LRRC1: variants seen among roughly 807,000 people sequenced by gnomAD.
LRRC1 encodes leucine-rich repeat-containing protein 1.
LRRC1 carries 28 observed loss-of-function variants against 69.9 expected under a neutral mutation model. That is an observed-to-expected ratio of 0.40 (90% confidence interval 0.30 to 0.55). The LOEUF (loss-of-function observed/expected upper bound fraction) is 0.55. Among genes scored for constraint, LRRC1 ranks in the 20% least tolerant of loss-of-function variants. The pLI, the probability that LRRC1 is intolerant of heterozygous loss-of-function variation, is 0.47. For synonymous variants in LRRC1, 236 were observed against 240.2 expected, an observed-to-expected ratio of 0.98 and a Z score of 0.16; for missense variants, 498 against 609.0, an observed-to-expected ratio of 0.82 and a Z score of 1.92.
chr6:53,853,477 G>A (rs1009139110), intron 2 of LRRC1, among the ~76,000 whole-genome samples: 1 of 151,976 alleles, frequency 6.6e-6, no homozygotes, highest in Admixed American at 6.6e-5. Context: ...TAGAGACGGG[G>A]TTTCACCATG....
At chr6:53,803,520 A>G (rs544236524) in intron 1 of LRRC1, among the ~76,000 whole-genome samples, 2 of 152,292 alleles carry the variant, frequency 1.3e-5, no homozygotes, top group East Asian at 3.9e-4. Flanking sequence ...GATTTAGTGG[A>G]CAGGAATGGA....
chr6:53,860,326 G>A (rs1766453254), intron 2 of LRRC1, among the ~76,000 whole-genome samples: 2 of 152,126 alleles, frequency 1.3e-5, no homozygotes. Context: ...TACTTTGAAG[G>A]GGATAATACC....
chr6:53,845,198 C>T (rs1276690374), intron 2 of LRRC1, among the ~76,000 whole-genome samples: 5 of 152,114 alleles, frequency 3.3e-5, no homozygotes, highest in African/African-American at 7.2e-5. Context: ...AGCAAGACTC[C>T]GTCTCAAACA....
intron 4 of LRRC1, among the ~76,000 whole-genome samples, chr6:53,887,220 C>T (rs9296722): frequency 0.36 from 54,728 of 151,978 alleles, 10,423 homozygotes; most frequent in East Asian, 0.64. Context: ...GCTCTAAAAC[C>T]TTCCAAGAAA....
At chr6:53,878,848 A>C (rs1340729769) in intron 2 of LRRC1, 145 bp from the exon 3 acceptor site, 2 of 509,896 alleles carry the variant, frequency 3.9e-6, no homozygotes, top group Non-Finnish European at 3.5e-6. Context: ...AAATATAAAT[A>C]TATTAAAATA....
At chr6:53,828,999 A>G (rs1049824119) in intron 1 of LRRC1, among the ~76,000 whole-genome samples, 1 of 152,224 alleles carries the variant, frequency 6.6e-6, no homozygotes, top group Non-Finnish European at 1.5e-5. Flanking sequence ...AACATATATT[A>G]AGCATTTCTC....
chr6:53,823,305 A>G (rs1333759853), intron 1 of LRRC1, among the ~76,000 whole-genome samples: 2 of 152,220 alleles, frequency 1.3e-5, no homozygotes, highest in Non-Finnish European at 2.9e-5. Context: ...CTCCCTTATT[A>G]AAGAACTTAA....
rs148096444 is a variant in LRRC1, at chr6:53,795,274, C to T, written c.18C>T (p.Pro6=). 39 of 1,611,170 alleles carry T rather than the reference C, an allele frequency of 2.4e-5. No homozygotes were observed. In the Admixed American group the frequency reaches 3.3e-4, roughly 14 times the overall value. Residue 6 remains proline (P), a synonymous_variant, in exon 1 of 14, where the codon CCC becomes CCT. Transcript: ENST00000370888. ...GGGCGGCGATGTTCCACTGCATCCC[C>T]CTGTGGCGGTGCAACCGTCATGTGG... MFHCI[P]LWRCNRHVES...
chr6:53,897,773 G>A (rs560926070), intron 7 of LRRC1, among the ~76,000 whole-genome samples: 2 of 152,286 alleles, frequency 1.3e-5, no homozygotes, highest in African/African-American at 4.8e-5. Flanking sequence ...TAAAAGCAAT[G>A]TTAAATGCTT....
intron 1 of LRRC1, among the ~76,000 whole-genome samples, chr6:53,840,331 T>A (rs1198585022): frequency 6.6e-6 from 1 of 152,194 alleles, no homozygotes; most frequent in African/African-American, 2.4e-5. Flanking sequence ...CTTTCAAGGT[T>A]GCTTTTGAGT....
intron 11 of LRRC1, among the ~76,000 whole-genome samples, chr6:53,914,864 A>T (rs1037270741): frequency 1.3e-5 from 2 of 152,172 alleles, no homozygotes; most frequent in Non-Finnish European, 2.9e-5. Flanking sequence ...GCCTGTTTTC[A>T]TATGGGTAAC....
intron 4 of LRRC1, among the ~76,000 whole-genome samples, chr6:53,890,291 C>T (rs778139855): frequency 1.3e-5 from 2 of 152,104 alleles, no homozygotes; most frequent in Non-Finnish European, 2.9e-5. Flanking sequence ...GTCCAGTACC[C>T]GAAACAGTTA....
intron 11 of LRRC1, among the ~76,000 whole-genome samples, chr6:53,917,601 C>T (rs1206550267): frequency 6.6e-6 from 1 of 151,972 alleles, no homozygotes; most frequent in Non-Finnish European, 1.5e-5. Flanking sequence ...TTACAGTGAC[C>T]ACGTTTGAGT....
rs1193078869 is a variant in LRRC1 at position 53,924,075 on chromosome 6, C to A, written c.*1282C>A. 1 of 152,622 alleles carries A rather than the reference C, an allele frequency of 6.6e-6. No individual in the cohort carries two copies. Among genetic ancestry groups the A allele is most frequent in the African/African-American group, 2.4e-5 (1 of 41,452 alleles). The allele number at this position is 152,622 out of a possible 1,614,324, so 9.5% of individuals were successfully genotyped here. On this transcript the variant is annotated 3_prime_UTR_variant, in exon 14 of 14. Coordinates refer to ENST00000370888, the MANE Select transcript of LRRC1 (RefSeq NM_018214.5). ...GTCACTGTGTGGTGTCTAGGAAAAT[C>A]ATATATATTTTTTTCTCCAAGAAAT...
At chr6:53,831,851 T>C (rs1765437029) in intron 1 of LRRC1, among the ~76,000 whole-genome samples, 1 of 152,146 alleles carries the variant, frequency 6.6e-6, no homozygotes, top group African/African-American at 2.4e-5. Flanking sequence ...GGTATCGACG[T>C]ATTTGCTTAA....
At chr6:53,835,486 TACCAAAC>T (rs1190825113) in intron 1 of LRRC1, among the ~76,000 whole-genome samples, 1 of 152,216 alleles carries the variant, frequency 6.6e-6, no homozygotes, top group African/African-American at 2.4e-5. Context: ...TCCACACCTC[TACCAAAC>T]ACACTGACAA....
At position 53,913,856 on chromosome 6, in the gene LRRC1, C is replaced by T. The variant is rs1341239048; in HGVS notation, c.993C>T (p.Ile331=). Residue 331 remains isoleucine, a splice_region_variant and synonymous_variant, in exon 11 of 14, where the codon ATC becomes ATT. Transcript: ENST00000370888. ...ATGTATTTTCTTTCTCACCATAGAT[C>T]GGCGGGTGCTGCAGCCTCACTGTGT... is the stretch of plus-strand genomic sequence containing the variant. ...RNKLVSLPKE[I]GGCCSLTVFC... 6.4e-6 allele frequency: 10 copies of T among 1,572,352 alleles called. No individual in the cohort carries two copies. The highest frequency in any genetic ancestry group is 1.3e-5 in the African/African-American group (1 of 74,656).
chr6:53,873,289 C>CT (rs57201410), intron 2 of LRRC1, among the ~76,000 whole-genome samples: 50,547 of 136,544 alleles, frequency 0.37, 9,418 homozygotes, highest in East Asian at 0.63. Context: ...ACCGATTTTT[C>CT]TTTTTTTTTT....
intron 10 of LRRC1, 34 bp from the exon 11 acceptor site, chr6:53,913,820 C>T (rs1166122562): frequency 6.8e-7 from 1 of 1,472,556 alleles, no homozygotes; most frequent in Non-Finnish European, 9.5e-7. Context: ...CCCTAGAAAA[C>T]TGGAAAAAAG....
Sources: gnomAD v4.1 joint callset for allele counts (sites outside exome capture counted in the v4.1 genomes callset) on GRCh38, gnomAD v4.1.1 for gene constraint, MANE v1.5 for transcripts, NCBI Gene and HGNC (gene_info 2026-07-23, HGNC 2026-07-21) for gene names.